The following TBX15 variants were observed in gnomAD, a reference collection of about 807,000 sequenced individuals.
TBX15 encodes T-box transcription factor 15, also known as T-box transcription factor TBX15.
In TBX15, 18 loss-of-function variants were observed where a neutral mutation model predicts 53.9. The observed-to-expected ratio is 0.33, with a 90% CI of 0.23 to 0.49. The LOEUF (loss-of-function observed/expected upper bound fraction) is 0.49, where lower values mean the gene tolerates loss of function less well. Ranked by LOEUF, TBX15 falls within the 20% of genes least tolerant of loss-of-function variation. The pLI is 0.98. For synonymous variants in TBX15, 295 were observed against 278.0 expected, an observed-to-expected ratio of 1.06 and a Z score of -0.61; for missense variants, 692 against 749.5, an observed-to-expected ratio of 0.92 and a Z score of 0.90.
intron 1 of TBX15, among the ~76,000 whole-genome samples, chr1:118,950,636 T>A (rs556265831): frequency 9.9e-5 from 15 of 152,282 alleles, no homozygotes; most frequent in South Asian, 4.1e-4. Flanking sequence ...CTGCCTGACC[T>A]CTCATGTGGT....
At chr1:118,908,364 C>T (rs534113072) in intron 6 of TBX15, among the ~76,000 whole-genome samples, 1 of 138,586 alleles carries the variant, frequency 7.2e-6, no homozygotes, top group African/African-American at 2.7e-5. Context: ...CCCAGGAACA[C>T]AGAGCACAAG....
rs1303619512 is a variant in TBX15 at position 118,884,798 on chromosome 1, A to G, written c.1743T>C (p.Thr581=). The change falls in exon 8 of 8, where the codon ACT becomes ACC. Residue 581 remains threonine, a synonymous_variant. Transcript: ENST00000369429. ...PSPNNQQATN[T]CDGRQYGAVP... is the part of the protein sequence containing the mutation. ...CTGCCCCATACTGCCGGCCATCACAAGTGTTGGTTGCCTGTTGGTTATTGG... is the reference window on the plus strand; with the variant it reads ...CTGCCCCATACTGCCGGCCATCACAGGTGTTGGTTGCCTGTTGGTTATTGG... 9 of 1,614,012 alleles carry G rather than the reference A, an allele frequency of 5.6e-6. No homozygotes were observed. The South Asian group carries it at 9.9e-5, about 18-fold the overall frequency.
intron 1 of TBX15, among the ~76,000 whole-genome samples, chr1:118,974,076 A>C (rs183939796): frequency 1.4e-3 from 217 of 152,324 alleles, no homozygotes; most frequent in Admixed American, 4.0e-3. Context: ...CAGAATCTAC[A>C]TTTCTAATGT....
At chr1:118,905,557 T>C (rs528322346) in intron 6 of TBX15, among the ~76,000 whole-genome samples, 9 of 152,310 alleles carry the variant, frequency 5.9e-5, no homozygotes, top group African/African-American at 1.9e-4. Flanking sequence ...TCTGCCAGAA[T>C]CCAGCACAGG....
intron 1 of TBX15, among the ~76,000 whole-genome samples, chr1:118,969,558 A>G (rs1427942580): frequency 6.6e-6 from 1 of 152,308 alleles, no homozygotes; most frequent in Non-Finnish European, 1.5e-5. Flanking sequence ...GTCATCTTGT[A>G]CAACCCTTCC....
chr1:118,887,316 G>A (rs951938850), intron 7 of TBX15, among the ~76,000 whole-genome samples: 9 of 152,140 alleles, frequency 5.9e-5, no homozygotes, highest in Non-Finnish European at 1.2e-4. Context: ...ATTATAAAAG[G>A]GTAAAGGGCA....
intron 1 of TBX15, among the ~76,000 whole-genome samples, chr1:118,970,665 C>G (rs1329322166): frequency 6.6e-6 from 1 of 152,200 alleles, no homozygotes; most frequent in East Asian, 1.9e-4. Flanking sequence ...GACCAAAAAG[C>G]ACCTGGCACT....
At chr1:118,964,454 T>G (rs1656976457) in intron 1 of TBX15, among the ~76,000 whole-genome samples, 1 of 152,178 alleles carries the variant, frequency 6.6e-6, no homozygotes, top group Admixed American at 6.5e-5. Flanking sequence ...ATTAAGCAAC[T>G]TACCCATGTT....
At chr1:118,942,192 G>A (rs1297510623) in intron 1 of TBX15, among the ~76,000 whole-genome samples, 2 of 152,172 alleles carry the variant, frequency 1.3e-5, no homozygotes, top group African/African-American at 4.8e-5. Context: ...GAAAGAGAGG[G>A]GTTTCTAGGA....
chr1:118,922,536 T>C (rs1655457533), intron 5 of TBX15, among the ~76,000 whole-genome samples: 1 of 152,080 alleles, frequency 6.6e-6, no homozygotes, highest in Non-Finnish European at 1.5e-5. Context: ...AAACACAAGT[T>C]GAAAGAAATT....
intron 1 of TBX15, among the ~76,000 whole-genome samples, chr1:118,949,561 G>A (rs568219065): frequency 6.6e-6 from 1 of 152,200 alleles, no homozygotes; most frequent in Admixed American, 6.5e-5. Flanking sequence ...CCTTCTCCAA[G>A]GATGTCACAC....
intron 1 of TBX15, among the ~76,000 whole-genome samples, chr1:118,942,146 G>T (rs1251698940): frequency 6.6e-6 from 1 of 152,174 alleles, no homozygotes; most frequent in Non-Finnish European, 1.5e-5. Flanking sequence ...GCCTAATGAA[G>T]ATATGTCTGT....
chr1:118,888,927 G>A (rs1654040679), intron 7 of TBX15, among the ~76,000 whole-genome samples: 1 of 151,968 alleles, frequency 6.6e-6, no homozygotes, highest in Admixed American at 6.6e-5. Context: ...AAAAAAAAAA[G>A]GTGGGGGGTG....
intron 1 of TBX15, among the ~76,000 whole-genome samples, chr1:118,939,528 A>G (rs1204655878): frequency 6.6e-6 from 1 of 151,812 alleles, no homozygotes; most frequent in Non-Finnish European, 1.5e-5. Context: ...CAGGAACAAC[A>G]GACACTGAAG....
rs1275638610 is a variant in TBX15, at chr1:118,939,966, G to A, written c.206-8134C>T. On this transcript the variant is annotated intron_variant, in intron 1 of 7. Coordinates refer to ENST00000369429, the MANE Select transcript of TBX15 (RefSeq NM_001330677.2). ...AACCTGAGGCATGACATGAATAAAAGGCTTGTCTCACATTATATAAATGGG... is the reference window on the plus strand; with the variant it reads ...AACCTGAGGCATGACATGAATAAAAAGCTTGTCTCACATTATATAAATGGG... 2.6e-5 allele frequency among the ~76,000 whole-genome samples: 4 copies of A among 151,916 alleles called. No homozygotes were observed. In the East Asian group the frequency reaches 7.7e-4, roughly 29 times the overall value.
chr1:118,941,879 C>A (rs1188153489), intron 1 of TBX15, among the ~76,000 whole-genome samples: 1 of 152,156 alleles, frequency 6.6e-6, no homozygotes, highest in Non-Finnish European at 1.5e-5. Context: ...TAACCTTAAG[C>A]AAGTCACTTA....
chr1:118,961,461 A>C (rs980748420), intron 1 of TBX15, among the ~76,000 whole-genome samples: 1 of 152,176 alleles, frequency 6.6e-6, no homozygotes, highest in Non-Finnish European at 1.5e-5. Context: ...GAGAAGGAGC[A>C]TTACTCAAAG....
At chr1:118,952,482 C>A (rs1016227495) in intron 1 of TBX15, among the ~76,000 whole-genome samples, 13 of 152,144 alleles carry the variant, frequency 8.5e-5, no homozygotes, top group Middle Eastern at 3.2e-3. Flanking sequence ...ACTCTAAATT[C>A]TCAATTATTT....
At position 118,942,216 on chromosome 1, in the gene TBX15, T is replaced by C. The variant is rs181045781; in HGVS notation, c.206-10384A>G. On this transcript the variant is annotated intron_variant, in intron 1 of 7. Coordinates refer to ENST00000369429, the MANE Select transcript of TBX15 (RefSeq NM_001330677.2). ...GGGTTTCTAGGAAAAGGGAATTTTCTGGCAGAGGCGTGGCAATAAAATCTA... is the reference window on the plus strand; with the variant it reads ...GGGTTTCTAGGAAAAGGGAATTTTCCGGCAGAGGCGTGGCAATAAAATCTA... Among the ~76,000 whole-genome samples the C allele has an allele frequency of 2.6e-5, 4 of 152,308 alleles. No homozygotes were observed. The East Asian group carries it at 7.7e-4, about 29-fold the overall frequency.
Sources: gnomAD v4.1 joint callset for allele counts (sites outside exome capture counted in the v4.1 genomes callset) on GRCh38, gnomAD v4.1.1 for gene constraint, MANE v1.5 for transcripts, NCBI Gene and HGNC (gene_info 2026-07-23, HGNC 2026-07-21) for gene names.